Variants in PDZD2 observed in about 807,000 individuals in gnomAD.
PDZD2 encodes PDZ domain containing 2.
Under a neutral mutation model 220.7 loss-of-function variants are expected in PDZD2, and 90 were observed. That is an observed-to-expected ratio of 0.41 (90% confidence interval 0.34 to 0.49). PDZD2 has a LOEUF of 0.49. Among genes scored for constraint, PDZD2 ranks in the 20% least tolerant of loss-of-function variants. PDZD2 has a pLI of 0.28. For missense variants in PDZD2, 3,174 were observed against 3,608.5 expected, an observed-to-expected ratio of 0.88 and a Z score of 3.08; for synonymous variants, 1,375 against 1,450.5, an observed-to-expected ratio of 0.95 and a Z score of 1.18.
intron 1 of PDZD2, among the ~76,000 whole-genome samples, chr5:31,691,212 C>T (rs1282159254): frequency 6.6e-6 from 1 of 151,510 alleles, no homozygotes; most frequent in Non-Finnish European, 1.5e-5. Flanking sequence ...CAGACCTTCG[C>T]GGTGAGTGTT....
chr5:31,717,491 G>A (rs567743088), intron 1 of PDZD2, among the ~76,000 whole-genome samples: 38 of 152,208 alleles, frequency 2.5e-4, no homozygotes, highest in African/African-American at 8.4e-4. Context: ...AGCTTACCTG[G>A]CCACTTAAGC....
Position 32,088,090 on chromosome 5 carries a change from C to T in PDZD2, c.4642C>T (p.Leu1548=), listed in dbSNP as rs1248560798. 1.2e-6 allele frequency: 2 copies of T among 1,614,094 alleles called. No individual in the cohort carries two copies. The highest frequency in any genetic ancestry group is 2.7e-5 in the African/African-American group (2 of 74,940). ...SGLGDSTEPS[L]SSMYGDAEDS... ...CCTGGGTGACAGCACGGAGCCGTCT[C>T]TGTCATCCATGTATGGCGATGCTGA... The change falls in exon 20 of 25, where the codon CTG becomes TTG. Residue 1548 remains leucine, a synonymous_variant. Transcript: ENST00000438447. This position sits in a 1 kb window ranked among gnomAD's most constrained non-coding sequence, Gnocchi z 4.6.
chr5:32,053,050 G>A (rs1001977693), intron 9 of PDZD2, among the ~76,000 whole-genome samples: 3 of 152,212 alleles, frequency 2.0e-5, no homozygotes, highest in African/African-American at 4.8e-5. Flanking sequence ...AAGAAGGACC[G>A]CTAAAGTGGC....
intron 1 of PDZD2, among the ~76,000 whole-genome samples, chr5:31,767,800 A>C (rs1484909902): frequency 6.6e-6 from 1 of 152,172 alleles, no homozygotes; most frequent in Admixed American, 6.5e-5. Flanking sequence ...GCCTGTCCCT[A>C]GTCTCTCCTT....
intron 2 of PDZD2, among the ~76,000 whole-genome samples, chr5:31,880,426 G>A (rs558631855): frequency 1.3e-5 from 2 of 152,220 alleles, no homozygotes; most frequent in African/African-American, 4.8e-5. Flanking sequence ...GCATTTCATC[G>A]CTGCTTCAAT....
chr5:31,908,978 G>A (rs888189478), intron 2 of PDZD2: 13 of 320,628 alleles, frequency 4.1e-5, no homozygotes, highest in Middle Eastern at 1.1e-3. Context: ...CCCGGGAGGC[G>A]GAGGCTGCAA....
At chr5:31,874,143 C>T (rs1739088064) in intron 2 of PDZD2, among the ~76,000 whole-genome samples, 1 of 152,192 alleles carries the variant, frequency 6.6e-6, no homozygotes, top group Non-Finnish European at 1.5e-5. Flanking sequence ...TCAATCTTTT[C>T]TGTTAAGGTC....
Position 31,765,972 on chromosome 5 carries a change from G to T in PDZD2, c.-360-32917G>T, listed in dbSNP as rs576311715. On this transcript the variant is annotated intron_variant, in intron 1 of 24. Transcript: ENST00000438447. ...GGATCACTTGAACCAAGGGTTCAAG[G>T]GTTCAAGACCAGCCTGGGCAACATG... Among the ~76,000 whole-genome samples the T allele has an allele frequency of 7.9e-4, 120 of 152,178 alleles. 4 individuals are homozygous for T. The South Asian group carries it at 0.024, about 31-fold the overall frequency.
At chr5:31,999,405 CA>C (rs1365913655) in intron 4 of PDZD2, among the ~76,000 whole-genome samples, 3 of 151,776 alleles carry the variant, frequency 2.0e-5, no homozygotes, top group African/African-American at 7.3e-5. Flanking sequence ...CCTAGGTACT[CA>C]GGAGGCTGAG....
chr5:31,661,794 T>G (rs1032270819), intron 1 of PDZD2, among the ~76,000 whole-genome samples: 1 of 150,888 alleles, frequency 6.6e-6, no homozygotes, highest in Non-Finnish European at 1.5e-5. Flanking sequence ...GGTTTTTTTT[T>G]TTTTTCTTTT....
chr5:31,876,202 T>C (rs149817206), intron 2 of PDZD2, among the ~76,000 whole-genome samples: 4 of 152,262 alleles, frequency 2.6e-5, no homozygotes, highest in African/African-American at 9.6e-5. Flanking sequence ...TTTTGGTTAC[T>C]ATACCAGCCA....
intron 1 of PDZD2, among the ~76,000 whole-genome samples, chr5:31,691,315 G>C (rs891374623): frequency 2.6e-5 from 4 of 152,052 alleles, no homozygotes; most frequent in Non-Finnish European, 4.4e-5. Flanking sequence ...AGACCTTCGC[G>C]GTGAGTGTTA....
At chr5:32,014,005 G>C (rs1404455266) in intron 6 of PDZD2, among the ~76,000 whole-genome samples, 1 of 152,174 alleles carries the variant, frequency 6.6e-6, no homozygotes, top group Non-Finnish European at 1.5e-5. Context: ...AGTCTACCAG[G>C]GTCGGCCCTG....
intron 6 of PDZD2, among the ~76,000 whole-genome samples, chr5:32,017,439 CAAA>C (rs11289719): frequency 7.9e-6 from 1 of 126,922 alleles, no homozygotes; most frequent in Non-Finnish European, 1.7e-5. Flanking sequence ...GACCCTGTCT[CAAA>C]AAAAAAAAAA....
At chr5:31,878,183 A>G (rs1161549113) in intron 2 of PDZD2, among the ~76,000 whole-genome samples, 2 of 152,148 alleles carry the variant, frequency 1.3e-5, no homozygotes, top group Non-Finnish European at 2.9e-5. Context: ...CAGATTGCTT[A>G]TGGTTGGTGG....
At chr5:32,034,002 A>G (rs535752077) in intron 6 of PDZD2, among the ~76,000 whole-genome samples, 3 of 152,314 alleles carry the variant, frequency 2.0e-5, no homozygotes, top group Admixed American at 6.5e-5. Flanking sequence ...GAATCTGTCT[A>G]TCATGACCAG....
intron 1 of PDZD2, among the ~76,000 whole-genome samples, chr5:31,653,847 C>G (rs895538312): frequency 6.6e-6 from 1 of 152,098 alleles, no homozygotes; most frequent in East Asian, 1.9e-4. Context: ...TGCAGTGGCG[C>G]GATCTCAGCT....
At chr5:31,769,513 A>G (rs1752221584) in intron 1 of PDZD2, among the ~76,000 whole-genome samples, 5 of 152,210 alleles carry the variant, frequency 3.3e-5, no homozygotes, top group Admixed American at 3.3e-4. Flanking sequence ...CTCCAAGGTA[A>G]AAATAGTGGA....
intron 1 of PDZD2, among the ~76,000 whole-genome samples, chr5:31,763,726 C>T (rs1358211961): frequency 1.3e-5 from 2 of 151,984 alleles, no homozygotes; most frequent in African/African-American, 4.8e-5. Context: ...ACCAGAGGCT[C>T]CTATACCTCA....
Sources: allele counts gnomAD v4.1 joint callset (sites outside exome capture counted in the v4.1 genomes callset), GRCh38; gene constraint gnomAD v4.1.1; non-coding constraint Gnocchi (gnomAD v3.1); transcripts MANE v1.5; gene names NCBI Gene and HGNC (gene_info 2026-07-23, HGNC 2026-07-21).